COMMD1: variants seen among roughly 807,000 people sequenced by gnomAD.
COMMD1 encodes copper metabolism domain containing 1, also known as COMM domain-containing protein 1.
COMMD1 carries 10 observed loss-of-function variants against 17.2 expected under a neutral mutation model. The observed-to-expected ratio is 0.58, with a 90% CI of 0.36 to 0.99. COMMD1 has a LOEUF of 0.99. Ranked by LOEUF, COMMD1 falls within the 50% of genes least tolerant of loss-of-function variation. COMMD1 has a pLI of 0.01. For missense variants in COMMD1, 270 were observed against 231.8 expected, an observed-to-expected ratio of 1.17 and a Z score of -1.07; for synonymous variants, 97 against 91.6, an observed-to-expected ratio of 1.06 and a Z score of -0.34.
At chr2:62,027,704 C>T (rs139449061) in intron 2 of COMMD1, among the ~76,000 whole-genome samples, 2 of 151,956 alleles carry the variant, frequency 1.3e-5, no homozygotes, top group East Asian at 1.9e-4. Flanking sequence ...GACAAGGTCT[C>T]GCTCTGTCAC....
Position 61,905,873 on chromosome 2 carries a change from T to G in COMMD1, c.180+15T>G, listed in dbSNP as rs1342415351. ...GGATTCTTAAGGTACTGCTCTTTTC[T>G]GTAGTCTCCGGCTTGGAGCAGAACC... On this transcript the variant is annotated intron_variant, in intron 1 of 2. Transcript: ENST00000311832. 1.2e-6 allele frequency: 2 copies of G among 1,613,800 alleles called. No homozygotes were observed. Among genetic ancestry groups the G allele is most frequent in the Non-Finnish European group, 1.7e-6 (2 of 1,179,812 alleles).
At chr2:61,910,235 G>T (rs1197726059) in intron 1 of COMMD1, among the ~76,000 whole-genome samples, 1 of 150,994 alleles carries the variant, frequency 6.6e-6, no homozygotes, top group Non-Finnish European at 1.5e-5. Context: ...TATATAAAAG[G>T]CAGTTGCTAA....
intron 1 of COMMD1, among the ~76,000 whole-genome samples, chr2:61,969,744 T>A (rs1230503122): frequency 6.6e-6 from 1 of 152,130 alleles, no homozygotes; most frequent in African/African-American, 2.4e-5. Context: ...TAATTACTGG[T>A]TCCCATTAAG....
intron 2 of COMMD1, among the ~76,000 whole-genome samples, chr2:62,088,237 T>C (rs1229469375): frequency 6.6e-6 from 1 of 152,206 alleles, no homozygotes; most frequent in African/African-American, 2.4e-5. Flanking sequence ...CTCTGGACTT[T>C]CACTTGAAAA....
chr2:61,891,399 T>C (rs1669426800), intron 1 of COMMD1, among the ~76,000 whole-genome samples: 1 of 152,196 alleles, frequency 6.6e-6, no homozygotes, highest in Non-Finnish European at 1.5e-5. Context: ...AGAGTGTTAA[T>C]GTACATTATT....
intron 1 of COMMD1, among the ~76,000 whole-genome samples, chr2:61,962,582 C>G (rs893409611): frequency 2.6e-5 from 4 of 152,160 alleles, no homozygotes; most frequent in African/African-American, 9.7e-5. Context: ...AATCATGTGA[C>G]CAGTTATTCA....
At chr2:62,013,886 T>A (rs541284767) in intron 2 of COMMD1, among the ~76,000 whole-genome samples, 68 of 152,296 alleles carry the variant, frequency 4.5e-4, no homozygotes, top group African/African-American at 1.5e-3. Context: ...ATGAAAGAAA[T>A]CATTTAACAT....
intron 2 of COMMD1, among the ~76,000 whole-genome samples, chr2:62,010,963 A>G (rs1669260784): frequency 6.6e-6 from 1 of 152,164 alleles, no homozygotes; most frequent in Non-Finnish European, 1.5e-5. Context: ...TCAGATTAAT[A>G]GTTCTCTCCC....
At chr2:61,888,552 A>G, upstream of COMMD1, 2 of 1,591,652 alleles carry the variant, frequency 1.3e-6, no homozygotes, top group South Asian at 1.1e-5. Flanking sequence ...GGACGGATGG[A>G]CCCGGATTCT....
At chr2:61,924,217 G>A (rs933335836) in intron 1 of COMMD1, among the ~76,000 whole-genome samples, 2 of 152,160 alleles carry the variant, frequency 1.3e-5, no homozygotes, top group African/African-American at 4.8e-5. Flanking sequence ...CCTCTGGTAA[G>A]GTTTGATTAA....
intron 1 of COMMD1, among the ~76,000 whole-genome samples, chr2:61,927,328 G>T (rs533064508): frequency 6.6e-6 from 1 of 152,286 alleles, no homozygotes; most frequent in African/African-American, 2.4e-5. Context: ...TTCTTTGGAA[G>T]GTCAGATAAC....
chr2:61,900,827 T>C (rs1448012755), upstream of COMMD1, among the ~76,000 whole-genome samples: 1 of 152,234 alleles, frequency 6.6e-6, no homozygotes, highest in Non-Finnish European at 1.5e-5. Context: ...TGGGTGTTTA[T>C]ATTTTGGGGA....
At chr2:61,890,345 C>G (rs534073521) in intron 1 of COMMD1, among the ~76,000 whole-genome samples, 47 of 152,162 alleles carry the variant, frequency 3.1e-4, no homozygotes, top group African/African-American at 1.1e-3. Flanking sequence ...TCAGCCTCCC[C>G]AGTAGCTGGG....
chr2:61,934,138 A>G (rs559553082), intron 1 of COMMD1, among the ~76,000 whole-genome samples: 1 of 152,296 alleles, frequency 6.6e-6, no homozygotes, highest in South Asian at 2.1e-4. Context: ...TAAATACAAA[A>G]TGAATTTGAG....
upstream of COMMD1, among the ~76,000 whole-genome samples, chr2:61,902,667 T>C (rs986739381): frequency 1.3e-5 from 2 of 152,192 alleles, no homozygotes; most frequent in African/African-American, 4.8e-5. Context: ...ATATTTTTCA[T>C]GTATCATATG....
At position 62,055,345 on chromosome 2, in the gene COMMD1, G is replaced by T. The variant is rs762558182; in HGVS notation, c.462+54363G>T. ...AAGAGTTTATTTGAAAAGGGGGAAA[G>T]ACCCAATGATGAGACAGCAGAAGAC... On this transcript the variant is annotated intron_variant, in intron 2 of 2. Coordinates refer to ENST00000311832, the MANE Select transcript of COMMD1 (RefSeq NM_152516.4). The T allele has an allele frequency of 1.3e-4, 56 of 439,768 alleles. 1 individual carries two copies. Among genetic ancestry groups the T allele is most frequent in the South Asian group, 2.6e-4 (16 of 62,492 alleles). The allele number at this position is 439,768 out of a possible 1,614,324, so 27.2% of individuals were successfully genotyped here.
At chr2:61,914,214 AT>A (rs1179030945) in intron 1 of COMMD1, among the ~76,000 whole-genome samples, 1 of 152,010 alleles carries the variant, frequency 6.6e-6, no homozygotes, top group Non-Finnish European at 1.5e-5. Context: ...TAATATATAA[AT>A]TATGTTTTGA....
chr2:61,962,448 A>G (rs555630896), intron 1 of COMMD1, among the ~76,000 whole-genome samples: 2 of 152,290 alleles, frequency 1.3e-5, no homozygotes, highest in East Asian at 1.9e-4. Flanking sequence ...AGTTTATGCT[A>G]ATGAATGACA....
intron 2 of COMMD1, among the ~76,000 whole-genome samples, chr2:62,008,336 A>G (rs1288751013): frequency 1.3e-5 from 2 of 151,898 alleles, no homozygotes; most frequent in African/African-American, 2.4e-5. Context: ...ACAGACCCAC[A>G]ATCTTTCATA....
Sources: gnomAD v4.1 joint callset for allele counts (sites outside exome capture counted in the v4.1 genomes callset) on GRCh38, gnomAD v4.1.1 for gene constraint, MANE v1.5 for transcripts, NCBI Gene and HGNC (gene_info 2026-07-23, HGNC 2026-07-21) for gene names.